Variants in FRMPD4 observed in about 807,000 individuals in gnomAD.
FRMPD4 encodes FERM and PDZ domain containing 4, also known as FERM and PDZ domain-containing protein 4.
A neutral mutation model predicts 94.1 loss-of-function variants in FRMPD4; 22 were observed. The ratio of observed to expected loss-of-function variants is 0.23; its 90% CI spans 0.17 to 0.33. The LOEUF (loss-of-function observed/expected upper bound fraction) is 0.33, where lower values mean the gene tolerates loss of function less well. Among genes scored for constraint, FRMPD4 ranks in the 10% least tolerant of loss-of-function variants. FRMPD4 has a pLI of 1.00. For synonymous variants in FRMPD4, 631 were observed against 548.6 expected, an observed-to-expected ratio of 1.15 and a Z score of -2.10; for missense variants, 1,111 against 1,339.9, an observed-to-expected ratio of 0.83 and a Z score of 2.67.
chrX:12,657,001 G>A (rs775947040), intron 4 of FRMPD4, among the ~76,000 whole-genome samples: 9 of 109,885 alleles, frequency 8.2e-5, no homozygotes, highest in Admixed American at 3.9e-4. Context: ...CAGGAGAATC[G>A]CTTGAACTCG....
chrX:11,848,599 C>A (rs2053598838), intron 1 of FRMPD4, among the ~76,000 whole-genome samples: 1 of 109,330 alleles, frequency 9.1e-6, no homozygotes, highest in Non-Finnish European at 1.9e-5. Flanking sequence ...GGTTTGGGCC[C>A]ACTTCAGTCT....
At chrX:11,834,282 G>A (rs1016236586) in intron 1 of FRMPD4, among the ~76,000 whole-genome samples, 1 of 111,636 alleles carries the variant, frequency 9.0e-6, no homozygotes, top group Admixed American at 9.5e-5. Flanking sequence ...ATTTCGGGGG[G>A]CTGATCTTTG....
intron 3 of FRMPD4, among the ~76,000 whole-genome samples, chrX:11,942,114 AG>A (rs2054163083): frequency 8.9e-6 from 1 of 112,463 alleles, no homozygotes; most frequent in Non-Finnish European, 1.9e-5. Flanking sequence ...GTATTTAAAA[AG>A]AGTCATATTT....
intron 3 of FRMPD4, among the ~76,000 whole-genome samples, chrX:12,081,088 C>A (rs1423403888): frequency 1.8e-5 from 2 of 111,512 alleles, no homozygotes; most frequent in Non-Finnish European, 3.8e-5. Context: ...AGCACATGAC[C>A]CAAAGACTAG....
At chrX:12,033,919 A>C (rs2054705914) in intron 3 of FRMPD4, among the ~76,000 whole-genome samples, 1 of 111,028 alleles carries the variant, frequency 9.0e-6, no homozygotes, top group Non-Finnish European at 1.9e-5. Flanking sequence ...CTGGTCTCGA[A>C]CTCCTGACCT....
rs753151973 is a variant in FRMPD4 at position 12,387,215 on chromosome X, G to C, written c.42-111465G>C. Reference sequence around the variant, plus strand: ...AGGAAGCTTTTTAGTAACAAAATTTGCAAATGAAACCTTCATAAATATTTT... The same window carrying C: ...AGGAAGCTTTTTAGTAACAAAATTTCCAAATGAAACCTTCATAAATATTTT... On this transcript the variant is annotated intron_variant, in intron 1 of 16. Transcript: ENST00000675598. 3.6e-5 allele frequency among the ~76,000 whole-genome samples: 4 copies of C among 112,068 alleles called. No individual in the cohort carries two copies. The South Asian group carries it at 1.5e-3, about 42-fold the overall frequency.
At chrX:12,024,228 T>C (rs1048647544) in intron 3 of FRMPD4, among the ~76,000 whole-genome samples, 7 of 112,170 alleles carry the variant, frequency 6.2e-5, no homozygotes, top group African/African-American at 2.3e-4. Context: ...AATACATTTA[T>C]GATACGTGCA....
chrX:12,351,545 G>A (rs371477639), intron 1 of FRMPD4, among the ~76,000 whole-genome samples: 5 of 112,327 alleles, frequency 4.5e-5, no homozygotes, highest in South Asian at 3.7e-4. Flanking sequence ...TGGGCAAGTC[G>A]TAAGTGGACA....
At chrX:12,603,809 A>T (rs1946831) in intron 2 of FRMPD4, among the ~76,000 whole-genome samples, 9,946 of 109,327 alleles carry the variant, frequency 0.091, 1,156 homozygotes, top group African/African-American at 0.32. Context: ...TGTCTTTATT[A>T]AAAAAAAATA....
At chrX:12,145,179 A>C (rs899139740) in intron 1 of FRMPD4, among the ~76,000 whole-genome samples, 1 of 112,035 alleles carries the variant, frequency 8.9e-6, no homozygotes, top group African/African-American at 3.2e-5. Context: ...TTAATGGTAA[A>C]ATTTTCCTAA....
At chrX:12,182,232 A>G (rs771603093) in intron 1 of FRMPD4, among the ~76,000 whole-genome samples, 1 of 112,014 alleles carries the variant, frequency 8.9e-6, no homozygotes, top group South Asian at 3.8e-4. Context: ...ACAGTAGTGA[A>G]GAAGTGACTA....
chrX:12,684,205 T>C (rs1286912365), intron 6 of FRMPD4, among the ~76,000 whole-genome samples: 6 of 112,535 alleles, frequency 5.3e-5, no homozygotes, highest in East Asian at 2.8e-4. Context: ...ACAGGATGTT[T>C]TGACTTTTTC....
chrX:12,243,955 C>T (rs1423055905), intron 1 of FRMPD4, among the ~76,000 whole-genome samples: 1 of 106,829 alleles, frequency 9.4e-6, no homozygotes, highest in Non-Finnish European at 1.9e-5. Context: ...ACCATGTTGC[C>T]CAGCTAATTT....
At chrX:11,868,940 T>C (rs1167466291) in intron 2 of FRMPD4, among the ~76,000 whole-genome samples, 10 of 112,401 alleles carry the variant, frequency 8.9e-5, no homozygotes, top group Non-Finnish European at 1.7e-4. Context: ...ACATTTGCTA[T>C]CTGGCCCTTT....
chrX:12,719,850 G>GA (rs144128819), intron 16 of FRMPD4, among the ~76,000 whole-genome samples: 3,122 of 104,133 alleles, frequency 0.03, 95 homozygotes, highest in African/African-American at 0.1. Flanking sequence ...TTTTCTTAAA[G>GA]AAAAAAAAAA....
At chrX:12,335,523 C>A (rs1415787505) in intron 1 of FRMPD4, among the ~76,000 whole-genome samples, 1 of 111,687 alleles carries the variant, frequency 9.0e-6, no homozygotes, top group Non-Finnish European at 1.9e-5. Flanking sequence ...TCCTACCCAA[C>A]ACAAGGAATG....
rs141883551 is a variant in FRMPD4 at position 11,872,497 on chromosome X, A to T, written c.-29-5398A>T. On this transcript the variant is annotated intron_variant, in intron 2 of 18. Transcript: ENST00000640291. ...AACTATAAGTTCAAAGTTGAGAAAGATTGGTTTTATTCTCAGCAAACCATG... is the reference window on the plus strand; with the variant it reads ...AACTATAAGTTCAAAGTTGAGAAAGTTTGGTTTTATTCTCAGCAAACCATG... Among the ~76,000 whole-genome samples the T allele has an allele frequency of 6.4e-3, 717 of 112,394 alleles. 12 individuals carry two copies. Among genetic ancestry groups the T allele is most frequent in the Admixed American group, 0.059 (627 of 10,580 alleles).
intron 2 of FRMPD4, among the ~76,000 whole-genome samples, chrX:12,606,630 C>A (rs2059134350): frequency 9.0e-6 from 1 of 111,232 alleles, no homozygotes. Flanking sequence ...CACGTGTGAC[C>A]ATTAGCAAGT....
At chrX:12,345,069 G>T (rs1375676833) in intron 1 of FRMPD4, among the ~76,000 whole-genome samples, 1 of 111,602 alleles carries the variant, frequency 9.0e-6, no homozygotes, top group African/African-American at 3.3e-5. Context: ...TGGAAAGATG[G>T]ATGGATTGAT....
Sources: gnomAD v4.1 joint callset for allele counts (sites outside exome capture counted in the v4.1 genomes callset) on GRCh38, gnomAD v4.1.1 for gene constraint, MANE v1.5 for transcripts, NCBI Gene and HGNC (gene_info 2026-07-23, HGNC 2026-07-21) for gene names.